Variants in INTS4 observed in about 807,000 individuals in gnomAD.
INTS4 encodes integrator complex subunit 4.
INTS4 carries 70 observed loss-of-function variants against 119.5 expected under a neutral mutation model. The ratio of observed to expected loss-of-function variants is 0.59; its 90% CI spans 0.48 to 0.71. INTS4 has a LOEUF of 0.71. Among genes scored for constraint, INTS4 ranks in the 30% least tolerant of loss-of-function variants. The pLI, the probability that INTS4 is intolerant of heterozygous loss-of-function variation, is 0.00. For synonymous variants in INTS4, 316 were observed against 419.6 expected (o/e 0.75, Z 3.02); for missense variants, 867 against 1,173.2 (o/e 0.74, Z 3.81).
chr11:77,893,992 T>TA (rs1004817195), intron 19 of INTS4, among the ~76,000 whole-genome samples: 63 of 152,234 alleles, frequency 4.1e-4, no homozygotes, highest in African/African-American at 1.4e-3. Context: ...CAAACGTATT[T>TA]ACACGTTTTC....
In INTS4 at chr11:77,905,861, A is replaced by T. The variant is rs534214824; in HGVS notation, c.2016+1856T>A. Among the ~76,000 whole-genome samples the T allele has an allele frequency of 2.8e-4, 43 of 152,320 alleles. No homozygotes were observed. The South Asian group carries it at 7.5e-3, about 26-fold the overall frequency. On this transcript the variant is annotated intron_variant, in intron 16 of 22. Coordinates refer to ENST00000534064, the MANE Select transcript of INTS4 (RefSeq NM_033547.4). ...ACCAATTTCTTTATAAATATGGCTCATCTGCTCATAACTGTTAGACCCACC... is the reference window on the plus strand; with the variant it reads ...ACCAATTTCTTTATAAATATGGCTCTTCTGCTCATAACTGTTAGACCCACC...
At chr11:77,882,828 T>A (rs1951844875) in intron 22 of INTS4, among the ~76,000 whole-genome samples, 1 of 152,152 alleles carries the variant, frequency 6.6e-6, no homozygotes, top group South Asian at 2.1e-4. Flanking sequence ...CCCACTACTT[T>A]GGGAGGCCAA....
chr11:77,897,063 G>A (rs554268220), intron 18 of INTS4, among the ~76,000 whole-genome samples: 8 of 151,976 alleles, frequency 5.3e-5, no homozygotes, highest in Admixed American at 5.2e-4. Flanking sequence ...CTATTCTGGT[G>A]TGGCGGGGGT....
chr11:77,990,941 T>G (rs938765583), intron 2 of INTS4, among the ~76,000 whole-genome samples, 167 bp downstream of exon 2: 5 of 152,192 alleles, frequency 3.3e-5, no homozygotes, highest in Non-Finnish European at 5.9e-5. Context: ...CTTTCTGAGG[T>G]CAAGATCTGT....
intron 4 of INTS4, among the ~76,000 whole-genome samples, chr11:77,977,247 A>T (rs1185418046): frequency 2.6e-5 from 4 of 152,186 alleles, no homozygotes; most frequent in African/African-American, 7.2e-5. Flanking sequence ...ATTTCCAATT[A>T]AATAAATGGC....
At chr11:77,976,605 T>C (rs925591169) in intron 4 of INTS4, among the ~76,000 whole-genome samples, 1 of 152,242 alleles carries the variant, frequency 6.6e-6, no homozygotes, top group Non-Finnish European at 1.5e-5. Flanking sequence ...TAAATCATGA[T>C]GCTATAAAGA....
intron 14 of INTS4, among the ~76,000 whole-genome samples, chr11:77,920,708 C>T (rs1161154210): frequency 6.6e-6 from 1 of 151,482 alleles, no homozygotes; most frequent in African/African-American, 2.4e-5. Context: ...AAAAATTAGC[C>T]GGGCGTGGTG....
At chr11:77,962,087 A>C (rs1311368163) in intron 4 of INTS4, among the ~76,000 whole-genome samples, 2 of 152,156 alleles carry the variant, frequency 1.3e-5, no homozygotes, top group Non-Finnish European at 2.9e-5. Context: ...CCAAGGCAGG[A>C]GGATCACTTG....
chr11:77,952,839 T>C (rs1053519380), intron 8 of INTS4, among the ~76,000 whole-genome samples: 36 of 152,166 alleles, frequency 2.4e-4, no homozygotes, highest in African/African-American at 8.7e-4. Context: ...TAAAACTGCC[T>C]ATTCAGGTAA....
chr11:77,972,817 G>T (rs1330446871), intron 4 of INTS4, among the ~76,000 whole-genome samples: 1 of 137,930 alleles, frequency 7.3e-6, no homozygotes, highest in Non-Finnish European at 1.5e-5. Context: ...TTATTCATAA[G>T]TTTTCTTTTG....
chr11:77,992,368 G>A (rs1405943193), intron 1 of INTS4, among the ~76,000 whole-genome samples: 1 of 151,962 alleles, frequency 6.6e-6, no homozygotes, highest in Non-Finnish European at 1.5e-5. Context: ...ACCAGTTTGG[G>A]CGAAAAGAGC....
In INTS4 at chr11:77,939,852, A is replaced by C. The variant is rs192544970; in HGVS notation, c.991-1027T>G. Reference sequence around the variant, plus strand: ...AGAGCGAGACCCTGTCTCAAACAAAAAAAAAAAACAAAACAAACAAACAAA... The same window carrying C: ...AGAGCGAGACCCTGTCTCAAACAAACAAAAAAAACAAAACAAACAAACAAA... On this transcript the variant is annotated intron_variant, in intron 9 of 22. Transcript: ENST00000534064. 4.4e-3 allele frequency among the ~76,000 whole-genome samples: 664 copies of C among 151,970 alleles called. 3 individuals are homozygous for C. The highest frequency in any genetic ancestry group is 0.015 in the African/African-American group (622 of 41,458).
chr11:77,874,784 C>G (rs1292097118), downstream of INTS4, among the ~76,000 whole-genome samples: 1 of 152,178 alleles, frequency 6.6e-6, no homozygotes, highest in Non-Finnish European at 1.5e-5. Context: ...CGCCTGTAAT[C>G]CCAGCGCTTT....
Position 77,958,834 on chromosome 11 carries a change from C to G in INTS4, c.709G>C (p.Ala237Pro), listed in dbSNP as rs762758309. 6.3e-7 allele frequency: 1 copy of G among 1,587,188 alleles called. No homozygotes were observed. The highest frequency in any genetic ancestry group is 1.3e-5 in the African/African-American group (1 of 74,320). The part of the protein sequence containing the change: ...LKLHQTIYNQ[A>P]CKLLSDDYEQ... ...TAGTCATCAGAGAGTAATTTACAGG[C>G]CTGCAAAGAAGAATTCCAAAAGTCT... Residue 237 changes from alanine (A) to proline (P), a missense_variant and splice_region_variant, in exon 7 of 23, where the codon GCC becomes CCC. By Grantham distance (27) the Ala-to-Pro change is conservative (BLOSUM62 -1). This residue lies in a region of INTS4 where 208 missense variants were observed against 306.6 expected (regional missense o/e 0.68). Transcript: ENST00000534064.
intron 12 of INTS4, 116 bp downstream of exon 12, chr11:77,924,634 T>C: frequency 6.6e-6 from 6 of 906,356 alleles, no homozygotes; most frequent in Non-Finnish European, 8.4e-6. Flanking sequence ...GTTTCTAAAG[T>C]AAAGGCAAAA....
Position 77,924,879 on chromosome 11 carries a change from T to C in INTS4, c.1385A>G (p.Asp462Gly), listed in dbSNP as rs1478495286. 2.5e-6 allele frequency: 4 copies of C among 1,599,890 alleles called. No individual in the cohort carries two copies. The highest frequency in any genetic ancestry group is 1.7e-5 in the Admixed American group (1 of 59,126). The part of the protein sequence containing the change: ...VLAVLEDSSR[D>G]IREALHELLC... The stretch of plus-strand genomic sequence containing the variant: ...GAGTTCATGAAGAGCCTCTCGAATA[T>C]CTCTGGATGAATCCTTTTAAAAAAA... Residue 462 changes from aspartate to glycine, a missense_variant, in exon 12 of 23, where the codon GAT becomes GGT. Asp to Gly is a moderately conservative substitution (Grantham distance 94). This residue lies in a region of INTS4 where 51 missense variants were observed against 125.5 expected (regional missense o/e 0.41). Transcript: ENST00000534064.
At chr11:77,907,936 C>G (rs543687753) in intron 15 of INTS4, 126 bp from the exon 16 acceptor site, 15 of 610,756 alleles carry the variant, frequency 2.5e-5, no homozygotes, top group Non-Finnish European at 3.7e-5. Flanking sequence ...AATGACGACA[C>G]TGAATGCTGG....
chr11:77,963,352 CA>C (rs777966254), intron 4 of INTS4: 1,716 of 175,686 alleles, frequency 9.8e-3, no homozygotes, highest in Middle Eastern at 0.023. Context: ...GACTCCGTCT[CA>C]AAAAAAAAAA....
At chr11:77,986,714 C>A (rs1856470264) in intron 2 of INTS4, among the ~76,000 whole-genome samples, 1 of 152,070 alleles carries the variant, frequency 6.6e-6, no homozygotes, top group South Asian at 2.1e-4. Flanking sequence ...GAAAACCATC[C>A]TTCTCAGCAA....
Sources: gnomAD v4.1 joint callset for allele counts (sites outside exome capture counted in the v4.1 genomes callset) on GRCh38, gnomAD v4.1.1 for gene constraint, gnomAD v4.1.1 regional missense constraint, MANE v1.5 for transcripts, NCBI Gene and HGNC (gene_info 2026-07-23, HGNC 2026-07-21) for gene names.